The following ANKRD30B variants were observed in gnomAD, a reference collection of about 807,000 sequenced individuals.
ANKRD30B encodes the protein ankyrin repeat domain-containing protein 30B.
ANKRD30B carries 144 observed loss-of-function variants against 202.2 expected under a neutral mutation model. The observed-to-expected ratio is 0.71, with a 90% confidence interval of 0.62 to 0.82. The LOEUF is 0.82. Ranked by LOEUF, ANKRD30B falls within the 40% of genes least tolerant of loss-of-function variation. The probability of loss-of-function intolerance (pLI) is 0.00; values close to 1 mark genes in which losing one functional copy is unlikely to be tolerated. For synonymous variants in ANKRD30B, 508 were observed against 561.3 expected, an observed-to-expected ratio of 0.91 and a Z score of 1.34; for missense variants, 1,487 against 1,669.1, an observed-to-expected ratio of 0.89 and a Z score of 1.90.
the ANKRD30B span, among the ~76,000 whole-genome samples, chr18:14,894,346 A>G: frequency 6.6e-6 from 1 of 152,148 alleles, no homozygotes; most frequent in Non-Finnish European, 1.5e-5. Flanking sequence ...TTAATTACCA[A>G]TAGCTTTGTG....
In ANKRD30B at chr18:14,810,140, T is replaced by G; in HGVS notation, c.2448T>G (p.Asn816Lys). The G allele has an allele frequency of 6.7e-7, 1 of 1,483,712 alleles. No homozygotes were observed. The highest frequency in any genetic ancestry group is 1.2e-5 in the South Asian group (1 of 82,754). The allele number at this position is 1,483,712 out of a possible 1,614,324, so 91.9% of individuals were successfully genotyped here. A position where few individuals can be genotyped will look rare whatever the true frequency, so the allele number is the denominator to read the frequency against. ...GTGTAAGGAAAGTTTCTCTTCCAAATAAAGCCTTAGAATTAAAGGACAGAG... is the reference window on the plus strand; with the variant it reads ...GTGTAAGGAAAGTTTCTCTTCCAAAGAAAGCCTTAGAATTAAAGGACAGAG... ...PTCVRKVSLP[N>K]KALELKDRET... is the part of the protein sequence containing the mutation. The change falls in exon 28 of 44, where the codon AAT (asparagine) becomes AAG (lysine). Residue 816 changes from asparagine (N) to lysine (K), a missense_variant. Physicochemically the swap from Asn to Lys is moderately conservative, Grantham distance 94. This residue lies in a region of ANKRD30B where 218 missense variants were observed against 320.1 expected (regional missense o/e 0.68). Transcript: ENST00000690538.
chr18:14,781,507 C>T (rs1398360637), intron 11 of ANKRD30B, among the ~76,000 whole-genome samples: 1 of 31,604 alleles, frequency 3.2e-5, no homozygotes, highest in Non-Finnish European at 7.9e-5. Context: ...CCGTGTTAGC[C>T]AGGAGACTTA....
chr18:14,830,624 T>C (rs1970874283), intron 33 of ANKRD30B, among the ~76,000 whole-genome samples: 1 of 152,154 alleles, frequency 6.6e-6, no homozygotes. Context: ...GAATCAGAGA[T>C]AGACAATGGA....
At chr18:14,824,998 C>CCACG (rs1970603326) in intron 32 of ANKRD30B, among the ~76,000 whole-genome samples, 2 of 152,126 alleles carry the variant, frequency 1.3e-5, no homozygotes, top group African/African-American at 4.8e-5. Context: ...AATTGAGGGA[C>CCACG]CACGATACCA....
At chr18:14,878,836 G>A in the ANKRD30B span, among the ~76,000 whole-genome samples, 1 of 152,194 alleles carries the variant, frequency 6.6e-6, no homozygotes, top group Non-Finnish European at 1.5e-5. Flanking sequence ...TAAGTATTAA[G>A]GCCAGGAAAA....
At chr18:14,864,497 C>T in the ANKRD30B span, among the ~76,000 whole-genome samples, 1 of 152,150 alleles carries the variant, frequency 6.6e-6, no homozygotes, top group African/African-American at 2.4e-5. Context: ...TTTTCTTCCT[C>T]CATCTACCCC....
intron 7 of ANKRD30B, among the ~76,000 whole-genome samples, chr18:14,766,542 G>A (rs995788224): frequency 1.9e-4 from 28 of 144,760 alleles, no homozygotes; most frequent in Non-Finnish European, 3.2e-4. Context: ...CAGCAGAGAA[G>A]TGCAAATAGT....
At chr18:14,763,596 G>A (rs1223184384) in intron 6 of ANKRD30B, 90 bp from the exon 7 acceptor site, 23 of 1,520,478 alleles carry the variant, frequency 1.5e-5, no homozygotes, top group Non-Finnish European at 2.0e-5. Flanking sequence ...TTTAAGGAAA[G>A]CATACAGAAT....
intron 33 of ANKRD30B, among the ~76,000 whole-genome samples, chr18:14,830,910 C>T (rs1427307144): frequency 1.3e-5 from 2 of 152,056 alleles, no homozygotes; most frequent in East Asian, 1.9e-4. Flanking sequence ...GGGCCGGGCG[C>T]GGTGGCTCAC....
At chr18:14,935,972 C>A in the ANKRD30B span, among the ~76,000 whole-genome samples, 124 of 152,344 alleles carry the variant, frequency 8.1e-4, no homozygotes, top group Non-Finnish European at 1.0e-3. Context: ...AAAATAAATT[C>A]TTTGCTTTGA....
At chr18:14,918,325 G>A in the ANKRD30B span, among the ~76,000 whole-genome samples, 4 of 152,210 alleles carry the variant, frequency 2.6e-5, no homozygotes, top group African/African-American at 9.6e-5. Flanking sequence ...TGGGATGTCA[G>A]CAATACATCT....
At chr18:14,925,466 A>G in the ANKRD30B span, among the ~76,000 whole-genome samples, 3 of 152,210 alleles carry the variant, frequency 2.0e-5, no homozygotes, top group Non-Finnish European at 4.4e-5. Context: ...CTGCCAGAGA[A>G]TGTCCATGGA....
At chr18:14,867,517 G>A in the ANKRD30B span, among the ~76,000 whole-genome samples, 22 of 152,166 alleles carry the variant, frequency 1.4e-4, no homozygotes, top group Admixed American at 2.6e-4. Flanking sequence ...TCTGACCACC[G>A]CAGGGCCTTC....
intron 32 of ANKRD30B, among the ~76,000 whole-genome samples, chr18:14,823,807 C>T (rs1318012073): frequency 6.6e-6 from 1 of 152,126 alleles, no homozygotes; most frequent in Non-Finnish European, 1.5e-5. Context: ...AACCCTATCT[C>T]TACTAAAAAT....
At chr18:14,864,609 TC>T in the ANKRD30B span, among the ~76,000 whole-genome samples, 1 of 151,638 alleles carries the variant, frequency 6.6e-6, no homozygotes, top group African/African-American at 2.4e-5. Flanking sequence ...CCAAAACTTT[TC>T]CCCAACGTCT....
Position 14,808,558 on chromosome 18 carries a change from T to C in ANKRD30B, c.2292T>C (p.Pro764=), listed in dbSNP as rs546517790. The stretch of plus-strand genomic sequence containing the variant: ...ATGTCCCTTTTCTTTTAGAGTCTCC[T>C]GATAAAGATGGTCTTCTGAAGGTAA... The part of the protein sequence containing the change: ...DTLSGKLEES[P]DKDGLLKPTC... The change falls in exon 25 of 44, where the codon CCT becomes CCC. Residue 764 remains proline (P), a synonymous_variant. Coordinates refer to ENST00000690538, the MANE Select transcript of ANKRD30B (RefSeq NM_001367607.2). 4.1e-5 allele frequency: 62 copies of C among 1,520,308 alleles called. No homozygotes were observed. In the East Asian group the frequency reaches 1.2e-3, roughly 30 times the overall value. 94.2% of individuals were successfully genotyped at this position (1,520,308 alleles called of 1,614,324 possible). A position where few individuals can be genotyped will look rare whatever the true frequency, so the allele number is the denominator to read the frequency against.
the ANKRD30B span, among the ~76,000 whole-genome samples, chr18:14,932,902 T>C: frequency 6.6e-6 from 1 of 152,206 alleles, no homozygotes; most frequent in Non-Finnish European, 1.5e-5. Context: ...TTAATCATTA[T>C]AATGCATTAT....
rs560399218 is a variant in ANKRD30B, at chr18:14,786,819, A to G, written c.1673-220A>G. Among the ~76,000 whole-genome samples, 161 of 152,258 alleles carry G rather than the reference A, an allele frequency of 1.1e-3. 6 individuals carry two copies. In the South Asian group the frequency reaches 0.033, roughly 31 times the overall value. ...ACTCATACAAGTTAGTCAAATTTCT[A>G]TTTTTCTTCATTCTAATGAAATAAT... On this transcript the variant is annotated intron_variant, in intron 14 of 43. Transcript: ENST00000690538.
chr18:14,891,259 T>C, the ANKRD30B span, among the ~76,000 whole-genome samples: 3 of 151,590 alleles, frequency 2.0e-5, no homozygotes, highest in African/African-American at 4.8e-5. Flanking sequence ...TTATTTATTT[T>C]TTTGACTTCA....
Sources: allele counts gnomAD v4.1 joint callset (sites outside exome capture counted in the v4.1 genomes callset), GRCh38; gene constraint gnomAD v4.1.1; regional missense constraint gnomAD v4.1.1; transcripts MANE v1.5; gene names NCBI Gene and HGNC (gene_info 2026-07-23, HGNC 2026-07-21).